The following CDC73 variants were observed in gnomAD, a reference collection of about 807,000 sequenced individuals.
CDC73 encodes parafibromin.
CDC73 carries 21 observed loss-of-function variants against 83.7 expected under a neutral mutation model. The ratio of observed to expected loss-of-function variants is 0.25; its 90% CI spans 0.18 to 0.36. CDC73 has a LOEUF of 0.36. Ranked by LOEUF, CDC73 falls within the 10% of genes least tolerant of loss-of-function variation. CDC73 has a pLI of 1.00. For synonymous variants in CDC73, 224 were observed against 212.9 expected (o/e 1.05, Z -0.45); for missense variants, 342 against 653.3 (o/e 0.52, Z 5.19).
chr1:193,195,333 A>C (rs1340546013), intron 10 of CDC73, among the ~76,000 whole-genome samples: 1 of 152,140 alleles, frequency 6.6e-6, no homozygotes, highest in South Asian at 2.1e-4. Context: ...ACGTATTACA[A>C]TTCCATTCCT....
At chr1:193,215,561 C>T (rs1043465817) in intron 13 of CDC73, among the ~76,000 whole-genome samples, 3 of 150,846 alleles carry the variant, frequency 2.0e-5, no homozygotes, top group Non-Finnish European at 4.4e-5. Context: ...GGTCCTAAAT[C>T]GCTTTTGGGC....
At chr1:193,211,438 A>G (rs912118374) in intron 11 of CDC73, among the ~76,000 whole-genome samples, 1 of 152,138 alleles carries the variant, frequency 6.6e-6, no homozygotes, top group Non-Finnish European at 1.5e-5. Context: ...TCAACTTAGT[A>G]GTAGAGATTT....
chr1:193,199,441 A>G (rs1324915471), intron 10 of CDC73, among the ~76,000 whole-genome samples: 7 of 152,064 alleles, frequency 4.6e-5, no homozygotes, highest in Admixed American at 3.9e-4. Flanking sequence ...GCCGGGCACG[A>G]TGGCTCATGC....
At chr1:193,228,762 GT>G (rs149325600) in intron 13 of CDC73, among the ~76,000 whole-genome samples, 15 of 148,710 alleles carry the variant, frequency 1.0e-4, no homozygotes, top group African/African-American at 2.0e-4. Flanking sequence ...CTTTGAAATA[GT>G]TTTTTTTTTG....
At chr1:193,152,133 T>G (rs1010469302) in intron 9 of CDC73, among the ~76,000 whole-genome samples, 2 of 152,184 alleles carry the variant, frequency 1.3e-5, no homozygotes, top group Non-Finnish European at 2.9e-5. Context: ...ATTGCAGAGA[T>G]AGTCTTAACC....
At chr1:193,163,190 TA>T (rs1676373068) in intron 10 of CDC73, among the ~76,000 whole-genome samples, 1 of 151,394 alleles carries the variant, frequency 6.6e-6, no homozygotes, top group South Asian at 2.1e-4. Context: ...TGTGTGTGTA[TA>T]TTTTTTTTTT....
At chr1:193,167,026 C>G (rs1676445856) in intron 10 of CDC73, among the ~76,000 whole-genome samples, 1 of 152,136 alleles carries the variant, frequency 6.6e-6, no homozygotes, top group Admixed American at 6.6e-5. Flanking sequence ...TTCATCAATG[C>G]TGGTTTATAA....
intron 10 of CDC73, chr1:193,178,928 A>G (rs1676659638): frequency 6.6e-6 from 1 of 152,196 alleles, no homozygotes; most frequent in African/African-American, 2.4e-5. Flanking sequence ...AGATTGACAG[A>G]TTTACATACT....
intron 13 of CDC73, among the ~76,000 whole-genome samples, chr1:193,224,381 T>TATATGAAATATGCATTCACATATACAC (rs1283708007): frequency 5.3e-5 from 8 of 151,934 alleles, no homozygotes; most frequent in East Asian, 3.8e-4. Flanking sequence ...CATATACACA[T>TATATGAAATATGCATTCACATATACAC]ATATGAAATA....
At chr1:193,250,197 TTTTTTG>T (rs1451792273) in intron 16 of CDC73, among the ~76,000 whole-genome samples, 2 of 151,856 alleles carry the variant, frequency 1.3e-5, no homozygotes, top group Non-Finnish European at 1.5e-5. Context: ...GAACCCTGTG[TTTTTTG>T]CAAGTACTGA....
At chr1:193,204,291 T>A (rs969104689) in intron 11 of CDC73, among the ~76,000 whole-genome samples, 2 of 138,984 alleles carry the variant, frequency 1.4e-5, no homozygotes, top group African/African-American at 5.8e-5. Flanking sequence ...ATATATATTT[T>A]TTTTTTTTCT....
At chr1:193,164,610 G>T (rs763046124) in intron 10 of CDC73, among the ~76,000 whole-genome samples, 54 of 152,096 alleles carry the variant, frequency 3.6e-4, no homozygotes, top group Non-Finnish European at 6.3e-4. Flanking sequence ...CAAATGTTTA[G>T]TGGTATTAAA....
intron 10 of CDC73, among the ~76,000 whole-genome samples, chr1:193,163,135 C>G (rs540688854): frequency 7.6e-4 from 113 of 148,694 alleles, no homozygotes; most frequent in African/African-American, 2.4e-3. Context: ...TATAATTCAT[C>G]AAGAACTTTG....
chr1:193,214,636 G>A (rs561770421), intron 13 of CDC73, among the ~76,000 whole-genome samples: 37 of 152,244 alleles, frequency 2.4e-4, no homozygotes, highest in Admixed American at 1.3e-3. Context: ...GGAGAATGGC[G>A]TGAACCTGGG....
intron 10 of CDC73, among the ~76,000 whole-genome samples, chr1:193,156,668 G>T (rs116275007): frequency 0.024 from 3,611 of 152,098 alleles, 60 homozygotes; most frequent in Non-Finnish European, 0.036. Flanking sequence ...TTCCCATTTG[G>T]TTATTGATTA....
rs1676651463 is a variant in CDC73 at position 193,178,518 on chromosome 1, G to GT, written c.973-25272dup. The stretch of plus-strand genomic sequence containing the variant: ...ACCTGTGTATGCACACACACACACT[G>GT]TTTTTAAAACTTTTGAAGCATAAAT... On this transcript the variant is annotated intron_variant, in intron 10 of 16. Coordinates refer to ENST00000367435, the MANE Select transcript of CDC73 (RefSeq NM_024529.5). 1.3e-5 allele frequency among the ~76,000 whole-genome samples: 2 copies of GT among 152,096 alleles called. 1 individual carries two copies. Among genetic ancestry groups the GT allele is most frequent in the South Asian group, 4.1e-4 (2 of 4,828 alleles).
intron 13 of CDC73, among the ~76,000 whole-genome samples, chr1:193,219,141 A>G (rs1158966345): frequency 6.6e-6 from 1 of 152,276 alleles, no homozygotes; most frequent in Non-Finnish European, 1.5e-5. Context: ...AGAAATGTTT[A>G]ACATCACTAA....
chr1:193,229,660 GAC>G (rs1288057618), intron 13 of CDC73, among the ~76,000 whole-genome samples: 2 of 152,168 alleles, frequency 1.3e-5, no homozygotes, highest in African/African-American at 4.8e-5. Context: ...AACGTACTAA[GAC>G]ACACCGAAAT....
In CDC73 at chr1:193,254,503, T is replaced by C. The variant is rs886045739; in HGVS notation, c.*3791T>C. On this transcript the variant is annotated 3_prime_UTR_variant, in exon 17 of 17. Transcript: ENST00000367435. ...GTGGGAATTTTGAAATGCCATGTCC[T>C]ATATATTCTGGCATATTTGTTGGCA... Among the ~76,000 whole-genome samples, 29 of 152,106 alleles carry C rather than the reference T, an allele frequency of 1.9e-4. No individual in the cohort carries two copies. The highest frequency in any genetic ancestry group is 4.0e-4 in the Non-Finnish European group (27 of 67,968).
Sources: allele counts gnomAD v4.1 joint callset (sites outside exome capture counted in the v4.1 genomes callset), GRCh38; gene constraint gnomAD v4.1.1; transcripts MANE v1.5; gene names NCBI Gene and HGNC (gene_info 2026-07-23, HGNC 2026-07-21).